Variants in ING2 observed in about 807,000 individuals in gnomAD.
ING2 encodes the protein inhibitor of growth protein 2.
ING2 carries 7 observed loss-of-function variants against 30.6 expected under a neutral mutation model. That is an observed-to-expected ratio of 0.23 (90% CI 0.13 to 0.43). The LOEUF (loss-of-function observed/expected upper bound fraction) is 0.43, where lower values mean the gene tolerates loss of function less well. Ranked by LOEUF, ING2 falls within the 20% of genes least tolerant of loss-of-function variation. ING2 has a pLI of 1.00. For missense variants in ING2, 239 were observed against 334.9 expected (o/e 0.71, Z 2.24); for synonymous variants, 136 against 121.7 (o/e 1.12, Z -0.78).
intron 1 of ING2, chr4:183,506,230 T>A (rs904427173): frequency 2.3e-6 from 3 of 1,303,972 alleles, no homozygotes; most frequent in Non-Finnish European, 3.0e-6. Flanking sequence ...GTTTGCAGCA[T>A]GTTTTGCGGT....
intron 1 of ING2, among the ~76,000 whole-genome samples, chr4:183,508,711 G>T (rs1734741029): frequency 6.6e-6 from 1 of 152,078 alleles, no homozygotes. Context: ...TATAATATTG[G>T]AATATAAAAC....
chr4:183,510,609 C>A lies in ING2; in HGVS notation c.500C>A (p.Ala167Glu). The A allele has an allele frequency of 6.2e-7, 1 of 1,613,994 alleles. No homozygotes were observed. The highest frequency in any genetic ancestry group is 8.5e-7 in the Non-Finnish European group (1 of 1,180,004). ...TSESRDLCHM[A>E]NGIEDCDDQP... The stretch of plus-strand genomic sequence containing the variant: ...GAAAGCCGTGATTTATGTCACATGG[C>A]AAATGGGATTGAAGACTGTGATGAT... Residue 167 changes from alanine (A) to glutamate (E), a missense_variant, in exon 2 of 2, where the codon GCA becomes GAA. This residue lies in a region of ING2 where 115 missense variants were observed against 120.1 expected (regional missense o/e 0.96). Coordinates refer to ENST00000302327, the MANE Select transcript of ING2 (RefSeq NM_001564.4).
chr4:183,506,853 T>C (rs1734661080), intron 1 of ING2, among the ~76,000 whole-genome samples: 1 of 152,190 alleles, frequency 6.6e-6, no homozygotes, highest in Non-Finnish European at 1.5e-5. Flanking sequence ...AATATTTCTT[T>C]TACAGATTAC....
At position 183,505,249 on chromosome 4, in the gene ING2, G is replaced by A; in HGVS notation, c.54G>A (p.Gly18=). The A allele has an allele frequency of 1.3e-6, 2 of 1,597,538 alleles. No homozygotes were observed. Among genetic ancestry groups the A allele is most frequent in the Non-Finnish European group, 1.7e-6 (2 of 1,173,188 alleles). ...ACTCGTCGGCCGCGCTCCTGACCGGGGAGCGGAGCCGGCTGCTCACCTGCT... is the reference window on the plus strand; with the variant it reads ...ACTCGTCGGCCGCGCTCCTGACCGGAGAGCGGAGCCGGCTGCTCACCTGCT... ...QLYSSAALLT[G]ERSRLLTCYV... The change falls in exon 1 of 2, where the codon GGG becomes GGA. Residue 18 remains glycine, a synonymous_variant. Coordinates refer to ENST00000302327, the MANE Select transcript of ING2 (RefSeq NM_001564.4).
chr4:183,510,331 T>A lies in ING2; in HGVS notation c.222T>A (p.Asp74Glu). 1 of 1,599,888 alleles carries A rather than the reference T, an allele frequency of 6.3e-7. No individual in the cohort carries two copies. Among genetic ancestry groups the A allele is most frequent in the South Asian group, 1.1e-5 (1 of 87,716 alleles). ...DDVYEKYKKEDDLNQKKRLQQ... is the reference protein window; with the variant it reads ...DDVYEKYKKEEDLNQKKRLQQ... ...TCTACGAAAAATATAAGAAAGAAGATGATTTAAACCAGAAGAAACGTCTAC... is the reference window on the plus strand; with the variant it reads ...TCTACGAAAAATATAAGAAAGAAGAAGATTTAAACCAGAAGAAACGTCTAC... Residue 74 changes from aspartate to glutamate, a missense_variant, in exon 2 of 2, where the codon GAT becomes GAA. Transcript: ENST00000302327.
At position 183,510,624 on chromosome 4, in the gene ING2, A is replaced by T. The variant is rs1314372773; in HGVS notation, c.515A>T (p.Asp172Val). ...DLCHMANGIE[D>V]CDDQPPKEKK... ...TGTCACATGGCAAATGGGATTGAAG[A>T]CTGTGATGATCAGCCACCTAAAGAA... Residue 172 changes from aspartate (D) to valine (V), a missense_variant, in exon 2 of 2, where the codon GAC becomes GTC. Asp to Val is a radical substitution (Grantham distance 152). Coordinates refer to ENST00000302327, the MANE Select transcript of ING2 (RefSeq NM_001564.4). The T allele has an allele frequency of 6.2e-7, 1 of 1,614,136 alleles. No homozygotes were observed. Among genetic ancestry groups the T allele is most frequent in the Non-Finnish European group, 8.5e-7 (1 of 1,180,012 alleles).
intron 1 of ING2, chr4:183,506,177 T>C: frequency 7.7e-7 from 1 of 1,291,042 alleles, no homozygotes; most frequent in Non-Finnish European, 1.0e-6. Flanking sequence ...GAGTCGGGGC[T>C]GTGCGGGGGC....
At chr4:183,506,340 A>G (rs1734648012) in intron 1 of ING2, 104 of 1,296,206 alleles carry the variant, frequency 8.0e-5, no homozygotes, top group Non-Finnish European at 1.0e-4. Flanking sequence ...GACATGTGTC[A>G]CTTCCGGGCT....
In ING2 at chr4:183,511,072, G is replaced by T; in HGVS notation, c.*120G>T. ...TAATTTTTAATCATTAGTATTAATG[G>T]TGTATTAAAAGTTGTTGTACTTTGT... On this transcript the variant is annotated 3_prime_UTR_variant, in exon 2 of 2. Coordinates refer to ENST00000302327, the MANE Select transcript of ING2 (RefSeq NM_001564.4). 1.2e-6 allele frequency: 1 copy of T among 807,624 alleles called. No homozygotes were observed. The highest frequency in any genetic ancestry group is 1.9e-6 in the Non-Finnish European group (1 of 530,988). 50.0% of individuals were successfully genotyped at this position (807,624 alleles called of 1,614,324 possible). A position where few individuals can be genotyped will look rare whatever the true frequency, so the allele number is the denominator to read the frequency against.
At position 183,508,906 on chromosome 4, in the gene ING2, A is replaced by G. The variant is rs570802218; in HGVS notation, c.173-1376A>G. ...CTAGTGACTCAGCTATTTTTACTTG[A>G]TTTAAGTAAGTGTATTCCACGTGCC... On this transcript the variant is annotated intron_variant, in intron 1 of 1. Coordinates refer to ENST00000302327, the MANE Select transcript of ING2 (RefSeq NM_001564.4). Among the ~76,000 whole-genome samples the G allele has an allele frequency of 1.3e-3, 196 of 152,270 alleles. 1 individual carries two copies. The highest frequency in any genetic ancestry group is 2.4e-3 in the Non-Finnish European group (166 of 68,018).
intron 1 of ING2, among the ~76,000 whole-genome samples, chr4:183,506,692 C>T (rs957050684): frequency 2.0e-4 from 31 of 151,672 alleles, no homozygotes; most frequent in African/African-American, 7.3e-4. Flanking sequence ...CTAAGGAATC[C>T]ACTTCTTGGG....
At chr4:183,508,839 T>C (rs1020589399) in intron 1 of ING2, among the ~76,000 whole-genome samples, 10 of 152,224 alleles carry the variant, frequency 6.6e-5, no homozygotes, top group African/African-American at 2.4e-4. Flanking sequence ...AGTAAATTTT[T>C]GGTGACATCT....
intron 1 of ING2, among the ~76,000 whole-genome samples, chr4:183,509,797 G>T (rs541463746): frequency 6.2e-4 from 88 of 141,848 alleles, no homozygotes; most frequent in African/African-American, 2.3e-3. Context: ...GCAGCGGTGC[G>T]ATCTCGGCTC....
Position 183,506,168 on chromosome 4 carries a change from A to G in ING2, c.172+801A>G, listed in dbSNP as rs1241180899. On this transcript the variant is annotated intron_variant, in intron 1 of 1. Transcript: ENST00000302327. ...GTGGCGAGCTGGCTGCTGGGGAGGGAGTCGGGGCTGTGCGGGGGCGTTGGT... is the reference window on the plus strand; with the variant it reads ...GTGGCGAGCTGGCTGCTGGGGAGGGGGTCGGGGCTGTGCGGGGGCGTTGGT... 9 of 1,285,232 alleles carry G rather than the reference A, an allele frequency of 7.0e-6. No homozygotes were observed. In the East Asian group the frequency reaches 5.2e-4, roughly 74 times the overall value. The allele number at this position is 1,285,232 out of a possible 1,614,324, so 79.6% of individuals were successfully genotyped here. A position where few individuals can be genotyped will look rare whatever the true frequency, so the allele number is the denominator to read the frequency against.
chr4:183,510,555 C>T lies in ING2; in HGVS notation c.446C>T (p.Ser149Leu), dbSNP rs760499820. The change falls in exon 2 of 2, where the codon TCA (serine) becomes TTA (leucine). Residue 149 changes from serine (S) to leucine (L), a missense_variant. Ser to Leu is a moderately radical substitution (Grantham distance 145). Around this residue, in one of 5 missense-constraint regions of ING2, gnomAD observed 115 missense variants for 120.1 expected, o/e 0.96. Coordinates refer to ENST00000302327, the MANE Select transcript of ING2 (RefSeq NM_001564.4). ...KMDSSQPERS[S>L]RRPRRQRTSE... The stretch of plus-strand genomic sequence containing the variant: ...GATTCCAGCCAACCAGAAAGATCTT[C>T]AAGAAGACCCCGCAGGCAGCGGACC... 3 of 1,614,030 alleles carry T rather than the reference C, an allele frequency of 1.9e-6. No individual in the cohort carries two copies. Among genetic ancestry groups the T allele is most frequent in the Non-Finnish European group, 2.5e-6 (3 of 1,180,040 alleles).
rs558775968 is a variant in ING2, at chr4:183,506,395, C to T, written c.172+1028C>T. The T allele has an allele frequency of 4.8e-4, 487 of 1,007,300 alleles. 4 individuals carry two copies. The highest frequency in any genetic ancestry group is 9.7e-4 in the Middle Eastern group (4 of 4,110). 62.4% of individuals were successfully genotyped at this position (1,007,300 alleles called of 1,614,324 possible). A position where few individuals can be genotyped will look rare whatever the true frequency, so the allele number is the denominator to read the frequency against. On this transcript the variant is annotated intron_variant, in intron 1 of 1. Transcript: ENST00000302327. ...TTGACTGGGCAACCGCCTGGCGTCC[C>T]CGAGCCCCTCCTTCTCCGACTTTAA...
At chr4:183,506,335 G>T in intron 1 of ING2, 3 of 1,299,462 alleles carry the variant, frequency 2.3e-6, no homozygotes, top group Non-Finnish European at 3.0e-6. Context: ...TCCGGGACAT[G>T]TGTCACTTCC....
chr4:183,511,064 T>C lies in ING2; in HGVS notation c.*112T>C, dbSNP rs565278065. Reference sequence around the variant, plus strand: ...CTATGCAATAATTTTTAATCATTAGTATTAATGGTGTATTAAAAGTTGTTG... The same window carrying C: ...CTATGCAATAATTTTTAATCATTAGCATTAATGGTGTATTAAAAGTTGTTG... On this transcript the variant is annotated 3_prime_UTR_variant, in exon 2 of 2. Coordinates refer to ENST00000302327, the MANE Select transcript of ING2 (RefSeq NM_001564.4). 6 of 835,446 alleles carry C rather than the reference T, an allele frequency of 7.2e-6. No homozygotes were observed. In the African/African-American group the frequency reaches 8.6e-5, roughly 12 times the overall value. The allele number at this position is 835,446 out of a possible 1,614,324, so 51.8% of individuals were successfully genotyped here. A position where few individuals can be genotyped will look rare whatever the true frequency, so the allele number is the denominator to read the frequency against.
Position 183,505,228 on chromosome 4 carries a change from G to C in ING2, c.33G>C (p.Ser11=), listed in dbSNP as rs753537081. ...GGCAGCAGCAGCAGCAACTGTACTCGTCGGCCGCGCTCCTGACCGGGGAGC... is the reference window on the plus strand; with the variant it reads ...GGCAGCAGCAGCAGCAACTGTACTCCTCGGCCGCGCTCCTGACCGGGGAGC... The part of the protein sequence containing the change: MLGQQQQQLY[S]SAALLTGERS... The change falls in exon 1 of 2, where the codon TCG becomes TCC. Residue 11 remains serine, a synonymous_variant. Transcript: ENST00000302327. 6.2e-7 allele frequency: 1 copy of C among 1,601,284 alleles called. No homozygotes were observed.
Sources: gnomAD v4.1 joint callset for allele counts (sites outside exome capture counted in the v4.1 genomes callset) on GRCh38, gnomAD v4.1.1 for gene constraint, gnomAD v4.1.1 regional missense constraint, MANE v1.5 for transcripts, NCBI Gene and HGNC (gene_info 2026-07-23, HGNC 2026-07-21) for gene names.